Variants in ANKRD33B observed in about 807,000 individuals in gnomAD.
The protein encoded by ANKRD33B is ankyrin repeat domain 33B.
A neutral mutation model predicts 21.5 loss-of-function variants in ANKRD33B; 6 were observed. That is an observed-to-expected ratio of 0.28 (90% CI 0.15 to 0.55). ANKRD33B has a LOEUF of 0.55. Among genes scored for constraint, ANKRD33B ranks in the 20% least tolerant of loss-of-function variants. The pLI, the probability that ANKRD33B is intolerant of heterozygous loss-of-function variation, is 0.94. For missense variants in ANKRD33B, 698 were observed against 747.2 expected, an observed-to-expected ratio of 0.93 and a Z score of 0.77; for synonymous variants, 347 against 342.4, an observed-to-expected ratio of 1.01 and a Z score of -0.15.
intron 2 of ANKRD33B, among the ~76,000 whole-genome samples, chr5:10,631,017 G>T (rs796247868): frequency 4.6e-5 from 7 of 152,328 alleles, no homozygotes; most frequent in African/African-American, 1.7e-4. Context: ...TGGAACAGGG[G>T]TCTTATGACC....
intron 3 of ANKRD33B, among the ~76,000 whole-genome samples, chr5:10,642,608 C>T (rs754262813): frequency 2.0e-4 from 30 of 152,302 alleles, no homozygotes; most frequent in Middle Eastern, 6.8e-3. Flanking sequence ...TAGCACCCAC[C>T]GCAGGAAGGT....
chr5:10,571,778 G>T (rs1456921034), intron 1 of ANKRD33B, among the ~76,000 whole-genome samples: 1 of 152,166 alleles, frequency 6.6e-6, no homozygotes, highest in Non-Finnish European at 1.5e-5. Flanking sequence ...TTCCCAGCTT[G>T]GACTGTACAT....
intron 1 of ANKRD33B, among the ~76,000 whole-genome samples, chr5:10,567,728 G>A (rs551922936): frequency 5.5e-4 from 83 of 152,286 alleles, no homozygotes; most frequent in African/African-American, 1.6e-3. Flanking sequence ...GAGCAGAGAC[G>A]GCATCTAGGG....
At chr5:10,567,407 C>A (rs1735086604) in intron 1 of ANKRD33B, among the ~76,000 whole-genome samples, 1 of 152,346 alleles carries the variant, frequency 6.6e-6, no homozygotes, top group Non-Finnish European at 1.5e-5. Context: ...TCTGGCAGTC[C>A]CTGCCTTTGA....
At position 10,643,840 on chromosome 5, in the gene ANKRD33B, A is replaced by AAG. The variant is rs1737128712; in HGVS notation, c.638-5422_638-5421dup. Among the ~76,000 whole-genome samples, 6 of 149,368 alleles carry AAG rather than the reference A, an allele frequency of 4.0e-5. No homozygotes were observed. In the South Asian group the frequency reaches 1.3e-3, roughly 32 times the overall value. ...GTCTCAAAAAAAAAAAAAAAAAAAA[A>AAG]AGAGAAGTGACATCTTGTTTAGGGA... On this transcript the variant is annotated intron_variant, in intron 3 of 3. Coordinates refer to ENST00000296657, the MANE Select transcript of ANKRD33B (RefSeq NM_001164440.2).
chr5:10,578,844 A>C (rs1301045930), intron 1 of ANKRD33B, among the ~76,000 whole-genome samples: 2 of 152,070 alleles, frequency 1.3e-5, no homozygotes, highest in Non-Finnish European at 2.9e-5. Context: ...CTCTACTAAT[A>C]ATTTTATTGG....
chr5:10,628,939 C>T (rs1446280068), intron 2 of ANKRD33B, among the ~76,000 whole-genome samples: 1 of 152,090 alleles, frequency 6.6e-6, no homozygotes, highest in African/African-American at 2.4e-5. Context: ...ACTCCTTGTG[C>T]AGAGGCCACT....
intron 2 of ANKRD33B, chr5:10,624,838 G>A (rs999842371): frequency 4.4e-6 from 2 of 456,522 alleles, no homozygotes; most frequent in Non-Finnish European, 8.8e-6. Flanking sequence ...CAGATCTGGT[G>A]GAAACACAGA....
rs893919624 is a variant in ANKRD33B at position 10,654,983 on chromosome 5, C to G, written c.*4870C>G. On this transcript the variant is annotated 3_prime_UTR_variant, in exon 4 of 4. Transcript: ENST00000296657. Reference sequence around the variant, plus strand: ...ACATCTTCCTTCCTCTCAGGCTCCTCCTGACAGACTCCTGGCAGCACTGGA... The same window carrying G: ...ACATCTTCCTTCCTCTCAGGCTCCTGCTGACAGACTCCTGGCAGCACTGGA... 3 of 152,422 alleles carry G rather than the reference C, an allele frequency of 2.0e-5. No individual in the cohort carries two copies. The highest frequency in any genetic ancestry group is 4.8e-5 in the African/African-American group (2 of 41,456). The allele number at this position is 152,422 out of a possible 1,614,324, so 9.4% of individuals were successfully genotyped here. A position where few individuals can be genotyped will look rare whatever the true frequency, so the allele number is the denominator to read the frequency against.
At chr5:10,645,846 G>A (rs1737177015) in intron 3 of ANKRD33B, among the ~76,000 whole-genome samples, 1 of 152,236 alleles carries the variant, frequency 6.6e-6, no homozygotes, top group South Asian at 2.1e-4. Context: ...CAGGATTGCA[G>A]CCGTTAGATT....
Position 10,619,157 on chromosome 5 carries a change from A to G in ANKRD33B, c.496+695A>G, listed in dbSNP as rs1736355533. The G allele has an allele frequency of 4.3e-6, 1 of 235,242 alleles. No homozygotes were observed. Among genetic ancestry groups the G allele is most frequent in the Admixed American group, 6.5e-5 (1 of 15,360 alleles). The allele number at this position is 235,242 out of a possible 1,614,324, so 14.6% of individuals were successfully genotyped here. On this transcript the variant is annotated intron_variant, in intron 2 of 3. Transcript: ENST00000296657. This position sits in a 1 kb window ranked among gnomAD's most constrained non-coding sequence, Gnocchi z 4.5. The stretch of plus-strand genomic sequence containing the variant: ...CACTTCATTTGGAACAGTGGTCTTG[A>G]CCAGGTTTATCACTGACCCCTTTCA...
At chr5:10,611,915 A>G (rs968679122) in intron 1 of ANKRD33B, among the ~76,000 whole-genome samples, 1 of 152,192 alleles carries the variant, frequency 6.6e-6, no homozygotes, top group Non-Finnish European at 1.5e-5. Context: ...TAAGGCCAGC[A>G]GGTGGTGATT....
chr5:10,623,396 T>G (rs989646733), intron 2 of ANKRD33B, among the ~76,000 whole-genome samples: 1 of 152,234 alleles, frequency 6.6e-6, no homozygotes, highest in Non-Finnish European at 1.5e-5. Context: ...GTCACACTCC[T>G]GGCTTCTCTC....
intron 1 of ANKRD33B, among the ~76,000 whole-genome samples, chr5:10,575,804 C>T (rs1409287249): frequency 1.3e-5 from 2 of 152,040 alleles, no homozygotes; most frequent in African/African-American, 4.8e-5. Context: ...GAAATAATGC[C>T]GTTGTGGAGA....
chr5:10,627,337 G>C (rs1483300), intron 2 of ANKRD33B: 1 of 152,150 alleles, frequency 6.6e-6, no homozygotes, highest in Admixed American at 6.5e-5. Context: ...GTGAGGAAAC[G>C]CCAGGGGTCT....
intron 2 of ANKRD33B, chr5:10,624,936 C>G: frequency 2.6e-6 from 1 of 377,424 alleles, no homozygotes; most frequent in Non-Finnish European, 5.2e-6. Context: ...CCTGGTGAGG[C>G]TGATGCCACT....
chr5:10,586,087 C>T (rs1358847228), intron 1 of ANKRD33B, among the ~76,000 whole-genome samples: 1 of 152,170 alleles, frequency 6.6e-6, no homozygotes, highest in African/African-American at 2.4e-5. Flanking sequence ...GTTGTCTCTG[C>T]TCCATGCTAA....
At chr5:10,591,579 C>T (rs1404809561) in intron 1 of ANKRD33B, among the ~76,000 whole-genome samples, 1 of 152,026 alleles carries the variant, frequency 6.6e-6, no homozygotes, top group Non-Finnish European at 1.5e-5. Context: ...GGACTTTTGT[C>T]CAGAACTATT....
intron 1 of ANKRD33B, among the ~76,000 whole-genome samples, chr5:10,600,449 A>G (rs138636445): frequency 9.1e-4 from 139 of 152,332 alleles, no homozygotes; most frequent in Non-Finnish European, 1.7e-3. Flanking sequence ...ATTTTGTTCA[A>G]TGTAATATGC....
Sources: gnomAD v4.1 joint callset for allele counts (sites outside exome capture counted in the v4.1 genomes callset) on GRCh38, gnomAD v4.1.1 for gene constraint, Gnocchi (gnomAD v3.1) non-coding constraint, MANE v1.5 for transcripts, NCBI Gene and HGNC (gene_info 2026-07-23, HGNC 2026-07-21) for gene names.